The following ANO10 variants were observed in gnomAD, a reference collection of about 807,000 sequenced individuals.
ANO10 encodes anoctamin 10.
ANO10 carries 77 observed loss-of-function variants against 74.7 expected under a neutral mutation model. The observed-to-expected ratio is 1.03, with a 90% CI of 0.86 to 1.25. The LOEUF (loss-of-function observed/expected upper bound fraction) is 1.25, where lower values mean the gene tolerates loss of function less well. ANO10 is among the 50% of genes most tolerant of loss of function. ANO10 has a pLI of 0.00. For missense variants in ANO10, 721 were observed against 778.1 expected (o/e 0.93, Z 0.87); for synonymous variants, 279 against 284.9 (o/e 0.98, Z 0.21).
intron 1 of ANO10, among the ~76,000 whole-genome samples, chr3:43,686,499 T>C (rs2084276952): frequency 6.6e-6 from 1 of 152,158 alleles, no homozygotes; most frequent in African/African-American, 2.4e-5. Flanking sequence ...TTGCCCAAGC[T>C]GGTCCTGAAC....
intron 11 of ANO10, among the ~76,000 whole-genome samples, chr3:43,469,209 ATT>A: frequency 6.9e-6 from 1 of 145,530 alleles, no homozygotes; most frequent in African/African-American, 2.5e-5. Flanking sequence ...TGCCCGGCTA[ATT>A]TTTTTTTTGT....
chr3:43,396,628 C>T (rs1410083147), intron 12 of ANO10, among the ~76,000 whole-genome samples: 1 of 152,066 alleles, frequency 6.6e-6, no homozygotes, highest in Non-Finnish European at 1.5e-5. Context: ...TGAGCCACCG[C>T]ACCCGGCCCA....
chr3:43,428,855 A>AGG lies in ANO10; in HGVS notation c.1914+3754_1914+3755dup, dbSNP rs2092939804. Among the ~76,000 whole-genome samples, 3 of 144,184 alleles carry AGG rather than the reference A, an allele frequency of 2.1e-5. No individual in the cohort carries two copies. In the South Asian group the frequency reaches 6.9e-4, roughly 33 times the overall value. 94.6% of individuals were successfully genotyped at this position (144,184 alleles called of 152,430 possible). A position where few individuals can be genotyped will look rare whatever the true frequency, so the allele number is the denominator to read the frequency against. ...ATTTCAGATTTCAGATTTTCCCATT[A>AGG]GGAAGGCTCAGCAGTAAATACAATG... is the stretch of plus-strand genomic sequence containing the variant. On this transcript the variant is annotated intron_variant, in intron 12 of 12. Coordinates refer to ENST00000292246, the MANE Select transcript of ANO10 (RefSeq NM_018075.5).
intron 1 of ANO10, among the ~76,000 whole-genome samples, chr3:43,676,418 C>G (rs1272721762): frequency 6.6e-6 from 1 of 152,020 alleles, no homozygotes; most frequent in East Asian, 1.9e-4. Flanking sequence ...CAGGTTTGCA[C>G]CTGCACTCCA....
At position 43,391,439 on chromosome 3, in the gene ANO10, T is replaced by A. The variant is rs553838466; in HGVS notation, c.1915-24465A>T. Among the ~76,000 whole-genome samples, 10 of 152,312 alleles carry A rather than the reference T, an allele frequency of 6.6e-5. No individual in the cohort carries two copies. The East Asian group carries it at 7.7e-4, about 12-fold the overall frequency. On this transcript the variant is annotated intron_variant, in intron 12 of 12. Transcript: ENST00000292246. Reference sequence around the variant, plus strand: ...ACAGAACACTACCATATAAGAAGTATTCAACTTTGCTGAATTTAGGGTTTA... The same window carrying A: ...ACAGAACACTACCATATAAGAAGTAATCAACTTTGCTGAATTTAGGGTTTA...
chr3:43,465,673 T>A (rs1177836689), intron 11 of ANO10, among the ~76,000 whole-genome samples: 1 of 151,954 alleles, frequency 6.6e-6, no homozygotes, highest in African/African-American at 2.4e-5. Context: ...AAATAAATAA[T>A]CTTATGAGAC....
intron 12 of ANO10, among the ~76,000 whole-genome samples, chr3:43,420,542 A>G (rs1288624570): frequency 6.6e-6 from 1 of 152,144 alleles, no homozygotes; most frequent in Non-Finnish European, 1.5e-5. Flanking sequence ...AAGGAAAGGA[A>G]TACTGTTTGT....
chr3:43,421,068 C>T (rs2092812646), intron 12 of ANO10, among the ~76,000 whole-genome samples: 1 of 151,476 alleles, frequency 6.6e-6, no homozygotes, highest in Non-Finnish European at 1.5e-5. Context: ...ACTAAAAATA[C>T]AAAAATTAGC....
intron 11 of ANO10, among the ~76,000 whole-genome samples, chr3:43,438,924 T>C (rs1244680949): frequency 2.0e-5 from 3 of 151,976 alleles, no homozygotes; most frequent in Non-Finnish European, 4.4e-5. Flanking sequence ...CAATTATGTA[T>C]TATAAGAGTT....
chr3:43,563,581 T>C (rs2080159767), intron 8 of ANO10, among the ~76,000 whole-genome samples: 1 of 151,876 alleles, frequency 6.6e-6, no homozygotes, highest in African/African-American at 2.4e-5. Context: ...TTTGTAACAA[T>C]AAAGAAACAG....
chr3:43,550,417 A>G (rs570963156), intron 10 of ANO10, among the ~76,000 whole-genome samples: 1 of 152,310 alleles, frequency 6.6e-6, no homozygotes, highest in East Asian at 1.9e-4. Context: ...CTGGTCCAGC[A>G]TTCCCTGAAG....
chr3:43,600,137 C>T (rs111285248), intron 3 of ANO10, among the ~76,000 whole-genome samples: 7 of 152,320 alleles, frequency 4.6e-5, no homozygotes, highest in African/African-American at 7.2e-5. Context: ...CAGCCTGCCA[C>T]ATGGTTTTAT....
intron 11 of ANO10, among the ~76,000 whole-genome samples, chr3:43,521,764 T>A (rs2077968136): frequency 6.6e-6 from 1 of 152,198 alleles, no homozygotes; most frequent in Admixed American, 6.5e-5. Context: ...CACAGAATTA[T>A]CATATGACCC....
chr3:43,430,728 G>A (rs971550878), intron 12 of ANO10, among the ~76,000 whole-genome samples: 1 of 151,942 alleles, frequency 6.6e-6, no homozygotes, highest in Non-Finnish European at 1.5e-5. Flanking sequence ...ACAAGAGTGA[G>A]AGTCCCCATT....
chr3:43,443,251 T>C (rs143898250), intron 11 of ANO10, among the ~76,000 whole-genome samples: 120 of 152,140 alleles, frequency 7.9e-4, no homozygotes, highest in African/African-American at 2.4e-3. Context: ...GAACAAGGAG[T>C]TGGTCTTAAA....
intron 1 of ANO10, among the ~76,000 whole-genome samples, chr3:43,658,245 G>A (rs1459895601): frequency 6.6e-6 from 1 of 152,024 alleles, no homozygotes; most frequent in African/African-American, 2.4e-5. Flanking sequence ...AAATGGATAG[G>A]TCATCGAGAA....
At chr3:43,496,264 G>A (rs1190921626) in intron 11 of ANO10, among the ~76,000 whole-genome samples, 1 of 152,058 alleles carries the variant, frequency 6.6e-6, no homozygotes, top group Non-Finnish European at 1.5e-5. Flanking sequence ...TGGACCATGT[G>A]GAATATTCTG....
At chr3:43,630,487 C>T (rs944970642) in intron 1 of ANO10, among the ~76,000 whole-genome samples, 14 of 152,054 alleles carry the variant, frequency 9.2e-5, no homozygotes, top group African/African-American at 3.1e-4. Context: ...GCCTATTAAA[C>T]AAAAGAGAGA....
chr3:43,525,415 C>T (rs1373166638), intron 11 of ANO10, among the ~76,000 whole-genome samples: 1 of 152,200 alleles, frequency 6.6e-6, no homozygotes, highest in Admixed American at 6.5e-5. Context: ...CCTTTTACAT[C>T]TATCTGCATG....
Sources: allele counts gnomAD v4.1 joint callset (sites outside exome capture counted in the v4.1 genomes callset), GRCh38; gene constraint gnomAD v4.1.1; transcripts MANE v1.5; gene names NCBI Gene and HGNC (gene_info 2026-07-23, HGNC 2026-07-21).